The following UBE2D1 variants were observed in gnomAD, a reference collection of about 807,000 sequenced individuals.
UBE2D1 encodes the protein ubiquitin conjugating enzyme E2 D1.
In UBE2D1, 9 loss-of-function variants were observed where a neutral mutation model predicts 24.6. The ratio of observed to expected loss-of-function variants is 0.37; its 90% CI spans 0.22 to 0.64. UBE2D1 has a LOEUF of 0.64. Ranked by LOEUF, UBE2D1 falls within the 30% of genes least tolerant of loss-of-function variation. The probability of loss-of-function intolerance (pLI) is 0.64; values close to 1 mark genes in which losing one functional copy is unlikely to be tolerated. For missense variants in UBE2D1, 87 were observed against 177.1 expected (o/e 0.49, Z 2.89); for synonymous variants, 57 against 57.6 (o/e 0.99, Z 0.04).
In UBE2D1 at chr10:58,370,282, T is replaced by C. The variant is rs1840301410; in HGVS notation, c.*1517T>C. 1 of 152,238 alleles carries C rather than the reference T, an allele frequency of 6.6e-6. No homozygotes were observed. The highest frequency in any genetic ancestry group is 1.5e-5 in the Non-Finnish European group (1 of 67,916). 9.4% of individuals were successfully genotyped at this position (152,238 alleles called of 1,614,324 possible). ...TTTTTAAGAACAGTTGTAGCCCTTC[T>C]GATTATTGCAGTAGCTGTAGAAGTA... On this transcript the variant is annotated 3_prime_UTR_variant, in exon 7 of 7. Coordinates refer to ENST00000373910, the MANE Select transcript of UBE2D1 (RefSeq NM_003338.5).
intron 1 of UBE2D1, among the ~76,000 whole-genome samples, chr10:58,343,721 A>G (rs2132316419): frequency 6.6e-6 from 1 of 152,338 alleles, no homozygotes; most frequent in East Asian, 1.9e-4. Flanking sequence ...ATGTACAACC[A>G]TAATATTCAA....
At chr10:58,352,537 G>A (rs1184540716) in intron 1 of UBE2D1, among the ~76,000 whole-genome samples, 2 of 151,914 alleles carry the variant, frequency 1.3e-5, no homozygotes, top group Non-Finnish European at 2.9e-5. Flanking sequence ...TTGCTTGAGC[G>A]CAGGAGTTTG....
At position 58,351,464 on chromosome 10, in the gene UBE2D1, C is replaced by T. The variant is rs935500725; in HGVS notation, c.25-9874C>T. ...ACTAAGACACAAACCCACACATTAG[C>T]CTAGGCTTACACAGGGTCAGGATAC... is the stretch of plus-strand genomic sequence containing the variant. On this transcript the variant is annotated intron_variant, in intron 1 of 6. Transcript: ENST00000373910. 2.6e-5 allele frequency among the ~76,000 whole-genome samples: 4 copies of T among 152,116 alleles called. No homozygotes were observed. The South Asian group carries it at 8.3e-4, about 32-fold the overall frequency.
At chr10:58,361,253 T>C in intron 1 of UBE2D1, 85 bp from the exon 2 acceptor site, 1 of 1,358,480 alleles carries the variant, frequency 7.4e-7, no homozygotes, top group East Asian at 2.3e-5. Context: ...TTTTTAAAGC[T>C]AATAGTTTGC....
At chr10:58,335,421 G>A (rs1002864002) in intron 1 of UBE2D1, among the ~76,000 whole-genome samples, 196 bp downstream of exon 1, 2 of 152,226 alleles carry the variant, frequency 1.3e-5, no homozygotes, top group Non-Finnish European at 2.9e-5. Flanking sequence ...GGTCCCAGGC[G>A]GCCGGAGGAG....
intron 1 of UBE2D1, among the ~76,000 whole-genome samples, chr10:58,346,820 CA>C (rs1399967350): frequency 6.6e-6 from 1 of 152,094 alleles, no homozygotes; most frequent in African/African-American, 2.4e-5. Context: ...AATAGGAGGA[CA>C]GTAGGTAAGT....
rs554058776 is a variant in UBE2D1 at position 58,368,406 on chromosome 10, G to A, written c.399-314G>A. 188 of 264,762 alleles carry A rather than the reference G, an allele frequency of 7.1e-4. 1 individual carries two copies. Among genetic ancestry groups the A allele is most frequent in the African/African-American group, 3.9e-3 (178 of 45,460 alleles). 16.4% of individuals were successfully genotyped at this position (264,762 alleles called of 1,614,324 possible). ...CTGCTTCATCTTGCTAGTACTGTAG[G>A]TTCATTTGCAATTTGTAGATAATGC... On this transcript the variant is annotated intron_variant, in intron 6 of 6. Coordinates refer to ENST00000373910, the MANE Select transcript of UBE2D1 (RefSeq NM_003338.5).
intron 1 of UBE2D1, among the ~76,000 whole-genome samples, chr10:58,348,284 A>G (rs1840037220): frequency 6.6e-6 from 1 of 152,238 alleles, no homozygotes. Context: ...TGATCGTTTG[A>G]CATCTTTCTA....
At chr10:58,363,522 C>T in intron 3 of UBE2D1, 87 bp from the exon 4 acceptor site, 1 of 935,030 alleles carries the variant, frequency 1.1e-6, no homozygotes, top group Non-Finnish European at 1.6e-6. Flanking sequence ...GCATTTTTTT[C>T]AAACTGATAA....
In UBE2D1 at chr10:58,359,303, T is replaced by C. The variant is rs115431096; in HGVS notation, c.25-2035T>C. 6.3e-3 allele frequency among the ~76,000 whole-genome samples: 953 copies of C among 152,338 alleles called. 13 individuals carry two copies. The highest frequency in any genetic ancestry group is 0.021 in the African/African-American group (880 of 41,574). ...TTTTACAATTGATGGTGTTTTAAAA[T>C]AAATTGGCAGCATTTTTTCTTAATT... On this transcript the variant is annotated intron_variant, in intron 1 of 6. Coordinates refer to ENST00000373910, the MANE Select transcript of UBE2D1 (RefSeq NM_003338.5).
intron 1 of UBE2D1, among the ~76,000 whole-genome samples, chr10:58,354,242 T>C (rs559766818): frequency 2.1e-4 from 32 of 152,236 alleles, no homozygotes; most frequent in African/African-American, 7.7e-4. Flanking sequence ...GTCACACAGC[T>C]AGTAATTGGA....
At chr10:58,359,737 T>C (rs1007306898) in intron 1 of UBE2D1, among the ~76,000 whole-genome samples, 3 of 152,200 alleles carry the variant, frequency 2.0e-5, no homozygotes, top group South Asian at 2.1e-4. Context: ...ACTTGTAAAA[T>C]GGGGAACATA....
intron 1 of UBE2D1, among the ~76,000 whole-genome samples, chr10:58,335,927 G>T (rs1419630125): frequency 6.6e-6 from 1 of 152,120 alleles, no homozygotes; most frequent in African/African-American, 2.4e-5. Context: ...AGCCAAACAG[G>T]TTTTTTTCCC....
chr10:58,367,845 C>A, intron 5 of UBE2D1, 78 bp from the exon 6 acceptor site: 1 of 945,842 alleles, frequency 1.1e-6, no homozygotes, highest in Non-Finnish European at 1.6e-6. Context: ...TCTATATTCA[C>A]TAAAATTATT....
intron 1 of UBE2D1, among the ~76,000 whole-genome samples, chr10:58,335,426 G>C (rs776781912): frequency 6.6e-6 from 1 of 152,248 alleles, no homozygotes; most frequent in Non-Finnish European, 1.5e-5. Flanking sequence ...CAGGCGGCCG[G>C]AGGAGCTTGA....
chr10:58,361,983 A>G (rs1840203877), intron 3 of UBE2D1, among the ~76,000 whole-genome samples: 1 of 152,112 alleles, frequency 6.6e-6, no homozygotes, highest in South Asian at 2.1e-4. Context: ...TCAATAAAAT[A>G]TTACAATGGG....
Position 58,335,371 on chromosome 10 carries a change from G to A in UBE2D1, c.24+146G>A, listed in dbSNP as rs1312764485. The stretch of plus-strand genomic sequence containing the variant: ...GGCAGGGAGCTGAAGGCTCGGGCCG[G>A]GCCAGCGGGCATCGGACAGGTGAGG... On this transcript the variant is annotated intron_variant, in intron 1 of 6. Coordinates refer to ENST00000373910, the MANE Select transcript of UBE2D1 (RefSeq NM_003338.5). The A allele has an allele frequency of 6.8e-6, 7 of 1,034,072 alleles. No individual in the cohort carries two copies. The African/African-American group carries it at 1.0e-4, about 15-fold the overall frequency. The allele number at this position is 1,034,072 out of a possible 1,614,324, so 64.1% of individuals were successfully genotyped here.
intron 1 of UBE2D1, 92 bp from the exon 2 acceptor site, chr10:58,361,246 T>C (rs1172952308): frequency 7.7e-7 from 1 of 1,305,532 alleles, no homozygotes. Flanking sequence ...TTAAATGTTT[T>C]TAAAGCTAAT....
intron 1 of UBE2D1, among the ~76,000 whole-genome samples, chr10:58,348,236 C>G (rs988439173): frequency 2.0e-5 from 3 of 152,180 alleles, no homozygotes; most frequent in African/African-American, 4.8e-5. Context: ...CTTTAATTCA[C>G]AGGCTTAAAG....
Sources: allele counts gnomAD v4.1 joint callset (sites outside exome capture counted in the v4.1 genomes callset), GRCh38; gene constraint gnomAD v4.1.1; transcripts MANE v1.5; gene names NCBI Gene and HGNC (gene_info 2026-07-23, HGNC 2026-07-21).